Variants in BTAF1 observed in about 807,000 individuals in gnomAD.
BTAF1 encodes the protein TATA-binding protein-associated factor 172.
BTAF1 carries 38 observed loss-of-function variants against 227.1 expected under a neutral mutation model. The observed-to-expected ratio is 0.17, with a 90% CI of 0.13 to 0.22. BTAF1 has a LOEUF of 0.22. Among genes scored for constraint, BTAF1 ranks in the 10% least tolerant of loss-of-function variants. BTAF1 has a pLI of 1.00. For missense variants in BTAF1, 1,598 were observed against 2,204.0 expected (o/e 0.73, Z 5.51); for synonymous variants, 742 against 751.9 (o/e 0.99, Z 0.21).
Position 92,008,872 on chromosome 10 carries a change from A to G in BTAF1, c.3857A>G (p.His1286Arg). Reference sequence around the variant, plus strand: ...GCATTTCTTAATAAGTATAAACTTCATGGAATTCTGTGTGATGACATGGGT... The same window carrying G: ...GCATTTCTTAATAAGTATAAACTTCGTGGAATTCTGTGTGATGACATGGGT... ...WLAFLNKYKL[H>R]GILCDDMGLG... Residue 1286 changes from histidine to arginine, a missense_variant, in exon 27 of 38, where the codon CAT becomes CGT. Physicochemically the swap from His to Arg is conservative, Grantham distance 29. Coordinates refer to ENST00000265990, the MANE Select transcript of BTAF1 (RefSeq NM_003972.3). The G allele has an allele frequency of 6.2e-7, 1 of 1,613,230 alleles. No homozygotes were observed. Among genetic ancestry groups the G allele is most frequent in the Non-Finnish European group, 8.5e-7 (1 of 1,179,234 alleles).
At position 92,009,083 on chromosome 10, in the gene BTAF1, ACTTC is replaced by A; in HGVS notation, c.3986_3989del (p.Ser1329Ter). On this transcript the variant is annotated frameshift_variant, in exon 28 of 38. Coordinates refer to ENST00000265990, the MANE Select transcript of BTAF1 (RefSeq NM_003972.3). LOFTEE classifies it high-confidence loss of function. ...GATCAAAATTAGCAGAATGTATGCCACTTCCTTCCTTAGTGGTTTGTCCGCCAAC... is the reference window on the plus strand; with the variant it reads ...GATCAAAATTAGCAGAATGTATGCCACTTCCTTAGTGGTTTGTCCGCCAAC... The A allele has an allele frequency of 6.2e-7, 1 of 1,614,170 alleles. No individual in the cohort carries two copies. The highest frequency in any genetic ancestry group is 8.5e-7 in the Non-Finnish European group (1 of 1,180,006).
chr10:92,018,521 T>C (rs1312400660), intron 33 of BTAF1, among the ~76,000 whole-genome samples: 1 of 152,162 alleles, frequency 6.6e-6, no homozygotes, highest in South Asian at 2.1e-4. Flanking sequence ...CAATTTGCCA[T>C]GGGAAGCTCA....
rs748877728 is a variant in BTAF1 at position 92,027,223 on chromosome 10, A to T, written c.5329A>T (p.Thr1777Ser). 1 of 1,614,020 alleles carries T rather than the reference A, an allele frequency of 6.2e-7. No individual in the cohort carries two copies. Among genetic ancestry groups the T allele is most frequent in the Non-Finnish European group, 8.5e-7 (1 of 1,179,904 alleles). Reference sequence around the variant, plus strand: ...GAAATTCAAGATGAACATAGCGAATACTGTTATTAGCCAAGAGAATTCTAG... The same window carrying T: ...GAAATTCAAGATGAACATAGCGAATTCTGTTATTAGCCAAGAGAATTCTAG... ...LQKFKMNIANTVISQENSSLQ... is the reference protein window; with the variant it reads ...LQKFKMNIANSVISQENSSLQ... The change falls in exon 37 of 38, where the codon ACT becomes TCT. Residue 1777 changes from threonine to serine, a missense_variant. Physicochemically the swap from Thr to Ser is moderately conservative, Grantham distance 58 (BLOSUM62 1). Transcript: ENST00000265990.
rs192722862 is a variant in BTAF1 at position 92,027,103 on chromosome 10, G to A, written c.5236-27G>A. ...AACCTCAAAGCATAATATGTGTTAC[G>A]GTTGCTTAACTGTTTTTCTTATCCA... On this transcript the variant is annotated intron_variant, in intron 36 of 37. Transcript: ENST00000265990. The A allele has an allele frequency of 4.1e-5, 65 of 1,594,834 alleles. No homozygotes were observed. In the African/African-American group the frequency reaches 5.3e-4, roughly 13 times the overall value.
intron 26 of BTAF1, 151 bp downstream of exon 26, chr10:92,008,426 C>T (rs776603335): frequency 8.0e-6 from 6 of 745,950 alleles, no homozygotes; most frequent in African/African-American, 1.9e-5. Context: ...TCACTGCAGC[C>T]TCAAACTCCT....
intron 25 of BTAF1, among the ~76,000 whole-genome samples, chr10:91,998,192 AAAG>A (rs1243514058): frequency 7.9e-5 from 12 of 152,068 alleles, no homozygotes; most frequent in African/African-American, 1.4e-4. Flanking sequence ...CAGGCTAAAA[AAAG>A]AAGGCATTAT....
chr10:92,025,443 TAA>T lies in BTAF1; in HGVS notation c.5075+485_5075+486del, dbSNP rs1206825069. Among the ~76,000 whole-genome samples, 447 of 147,982 alleles carry T rather than the reference TAA, an allele frequency of 3.0e-3. 1 individual carries two copies. Among genetic ancestry groups the T allele is most frequent in the African/African-American group, 4.3e-3 (175 of 40,432 alleles). On this transcript the variant is annotated intron_variant, in intron 35 of 37. Coordinates refer to ENST00000265990, the MANE Select transcript of BTAF1 (RefSeq NM_003972.3). ...AAATCTCAGTGGTTGCTTTTTTTTT[TAA>T]AAAAAAAATGCAGATTCCTAGGTTC...
Position 92,018,912 on chromosome 10 carries a change from C to G in BTAF1, c.4840C>G (p.Pro1614Ala). ...NSSLHDIQHA[P>A]KLSALKQLLL... ...TTCTCTACATGATATTCAACATGCC[C>G]CTAAGCTCTCAGCTTTGAAACAAGT... Residue 1614 changes from proline to alanine, a missense_variant, in exon 34 of 38, where the codon CCT becomes GCT. Physicochemically the swap from Pro to Ala is conservative, Grantham distance 27 (BLOSUM62 -1). This residue lies in a region of BTAF1 where 205 missense variants were observed against 244.5 expected (regional missense o/e 0.84). Coordinates refer to ENST00000265990, the MANE Select transcript of BTAF1 (RefSeq NM_003972.3). 6.3e-7 allele frequency: 1 copy of G among 1,590,554 alleles called. No homozygotes were observed. Among genetic ancestry groups the G allele is most frequent in the Non-Finnish European group, 8.5e-7 (1 of 1,171,126 alleles).
intron 19 of BTAF1, among the ~76,000 whole-genome samples, chr10:91,985,182 C>T (rs934325937): frequency 6.6e-6 from 1 of 152,004 alleles, no homozygotes; most frequent in Non-Finnish European, 1.5e-5. Flanking sequence ...CTAATTCCCC[C>T]CCGAAGATAC....
At chr10:91,985,387 C>T (rs968555126) in intron 19 of BTAF1, among the ~76,000 whole-genome samples, 9 of 151,956 alleles carry the variant, frequency 5.9e-5, no homozygotes, top group South Asian at 2.1e-4. Flanking sequence ...GCCATTCTCC[C>T]GTTTATGGAC....
chr10:91,957,860 A>G (rs1846208587), intron 8 of BTAF1, among the ~76,000 whole-genome samples: 1 of 152,202 alleles, frequency 6.6e-6, no homozygotes. Context: ...TGGGGTGTTA[A>G]GAAGTGGGCA....
At chr10:91,972,694 ACT>A (rs1290629060) in intron 14 of BTAF1, among the ~76,000 whole-genome samples, 1 of 152,066 alleles carries the variant, frequency 6.6e-6, no homozygotes, top group African/African-American at 2.4e-5. Flanking sequence ...CTGTGTGCAA[ACT>A]CTTTGTGGTG....
chr10:91,971,868 G>T (rs907737679), intron 14 of BTAF1, among the ~76,000 whole-genome samples: 2 of 151,702 alleles, frequency 1.3e-5, no homozygotes, highest in Admixed American at 1.3e-4. Flanking sequence ...AAAGAGCAGG[G>T]AATTGTATGA....
intron 35 of BTAF1, among the ~76,000 whole-genome samples, chr10:92,026,347 T>C (rs1851516540): frequency 6.6e-6 from 1 of 152,232 alleles, no homozygotes; most frequent in African/African-American, 2.4e-5. Flanking sequence ...CCTTACCTGA[T>C]GTTACTAAAT....
chr10:91,991,793 GT>G (rs1848790528), intron 20 of BTAF1, among the ~76,000 whole-genome samples: 1 of 83,428 alleles, frequency 1.2e-5, no homozygotes, highest in Non-Finnish European at 3.2e-5. Flanking sequence ...GTGTGTGTGT[GT>G]GTGTATATAT....
At chr10:92,014,149 C>A (rs755628895) in intron 32 of BTAF1, 120 bp downstream of exon 32, 4 of 1,048,268 alleles carry the variant, frequency 3.8e-6, no homozygotes, top group Admixed American at 4.8e-5. Context: ...GCAGATAAAG[C>A]CTAAATGATG....
At position 92,016,380 on chromosome 10, in the gene BTAF1, G is replaced by A; in HGVS notation, c.4625G>A (p.Cys1542Tyr). 2.5e-6 allele frequency: 4 copies of A among 1,600,038 alleles called. No homozygotes were observed. The highest frequency in any genetic ancestry group is 3.4e-6 in the Non-Finnish European group (4 of 1,174,286). The change falls in exon 33 of 38, where the codon TGT becomes TAT. Residue 1542 changes from cysteine (C) to tyrosine (Y), a missense_variant. Physicochemically the swap from Cys to Tyr is radical, Grantham distance 194. Transcript: ENST00000265990. Reference protein sequence around the residue: ...YEDFAKSRAKCDVDETVSSAT... With the variant: ...YEDFAKSRAKYDVDETVSSAT... ...GATTTTGCTAAGTCTCGTGCCAAGT[G>A]TGATGTTGATGAAACAGTTTCTTCA... is the stretch of plus-strand genomic sequence containing the variant.
Position 91,982,098 on chromosome 10 carries a change from A to G in BTAF1, c.1921A>G (p.Lys641Glu), listed in dbSNP as rs756218259. The G allele has an allele frequency of 6.2e-7, 1 of 1,613,072 alleles. No homozygotes were observed. The highest frequency in any genetic ancestry group is 1.1e-5 in the South Asian group (1 of 90,876). ...CCCTCTGTAGGAAAAAACAGGTGGT[A>G]AGGTGCGCCAAGGCCAAAGCCAGAA... ...KARAKEKTGG[K>E]VRQGQSQNKE... Residue 641 changes from lysine (K) to glutamate (E), a missense_variant, in exon 17 of 38, where the codon AAG becomes GAG. This residue lies in a region of BTAF1 where 318 missense variants were observed against 435.0 expected (regional missense o/e 0.73). Coordinates refer to ENST00000265990, the MANE Select transcript of BTAF1 (RefSeq NM_003972.3).
Position 91,962,524 on chromosome 10 carries a change from GT to G in BTAF1, c.1264-13del. ...GAATAGAAAATTAATTTATTTTCAT[GT>G]ACTGTTTTACAGGATGTAATTAATA... On this transcript the variant is annotated splice_polypyrimidine_tract_variant and intron_variant, in intron 11 of 37. Coordinates refer to ENST00000265990, the MANE Select transcript of BTAF1 (RefSeq NM_003972.3). The G allele has an allele frequency of 4.7e-6, 7 of 1,482,804 alleles. No homozygotes were observed. Among genetic ancestry groups the G allele is most frequent in the Middle Eastern group, 1.8e-4 (1 of 5,670 alleles). 91.9% of individuals were successfully genotyped at this position (1,482,804 alleles called of 1,614,324 possible). A position where few individuals can be genotyped will look rare whatever the true frequency, so the allele number is the denominator to read the frequency against.
Sources: allele counts gnomAD v4.1 joint callset (sites outside exome capture counted in the v4.1 genomes callset), GRCh38; gene constraint gnomAD v4.1.1; regional missense constraint gnomAD v4.1.1; transcripts MANE v1.5; gene names NCBI Gene and HGNC (gene_info 2026-07-23, HGNC 2026-07-21).